Variants in TFR2 observed in about 807,000 individuals in gnomAD.
TFR2 encodes transferrin receptor protein 2.
TFR2 carries 64 observed loss-of-function variants against 91.9 expected under a neutral mutation model. The observed-to-expected ratio is 0.70, with a 90% CI of 0.57 to 0.86. The LOEUF (loss-of-function observed/expected upper bound fraction) is 0.86, where lower values mean the gene tolerates loss of function less well. TFR2 is among the 40% of genes least tolerant of loss of function. The pLI, the probability that TFR2 is intolerant of heterozygous loss-of-function variation, is 0.00. For synonymous variants in TFR2, 454 were observed against 459.6 expected, an observed-to-expected ratio of 0.99 and a Z score of 0.15; for missense variants, 950 against 1,080.5, an observed-to-expected ratio of 0.88 and a Z score of 1.69.
At chr7:100,628,396 C>G in intron 10 of TFR2, 90 bp from the exon 11 acceptor site, 1 of 1,250,550 alleles carries the variant, frequency 8.0e-7, no homozygotes, top group Non-Finnish European at 1.2e-6. Flanking sequence ...CCCAGGGTCT[C>G]TGTTTCTCTG....
At chr7:100,635,638 T>A (rs1311241424) in intron 3 of TFR2, among the ~76,000 whole-genome samples, 1 of 151,704 alleles carries the variant, frequency 6.6e-6, no homozygotes, top group Admixed American at 6.6e-5. Context: ...TAGTAGAGCC[T>A]AAAAAGGGTG....
intron 1 of TFR2, 30 bp downstream of exon 1, chr7:100,641,447 A>G: frequency 6.2e-7 from 1 of 1,613,302 alleles, no homozygotes. Context: ...GAGAAGGCCT[A>G]AGGGGTCTTC....
intron 17 of TFR2, among the ~76,000 whole-genome samples, chr7:100,625,378 G>A (rs555765566): frequency 4.6e-5 from 7 of 152,164 alleles, no homozygotes; most frequent in South Asian, 2.1e-4. Context: ...CATCTTACAC[G>A]CAGGTCCCTT....
chr7:100,631,808 C>T lies in TFR2; in HGVS notation c.1104G>A (p.Leu368=), dbSNP rs766143658. ...PISADIASRL[L]RKLKGPVAPQ... ...CTGGTCCCCAACACTCCCCTCACCTCAGCAGGCGGGAGGCAATGTCTGCAC... is the reference window on the plus strand; with the variant it reads ...CTGGTCCCCAACACTCCCCTCACCTTAGCAGGCGGGAGGCAATGTCTGCAC... The change falls in exon 8 of 18, where the codon CTG becomes CTA. Residue 368 remains leucine, a splice_region_variant and synonymous_variant. Transcript: ENST00000223051. 2 of 1,612,366 alleles carry T rather than the reference C, an allele frequency of 1.2e-6. No individual in the cohort carries two copies. The highest frequency in any genetic ancestry group is 1.7e-5 in the Admixed American group (1 of 59,876).
chr7:100,624,383 G>C (rs936910295), intron 17 of TFR2, among the ~76,000 whole-genome samples: 4 of 152,158 alleles, frequency 2.6e-5, no homozygotes, highest in African/African-American at 7.2e-5. Flanking sequence ...CATCCTGCCT[G>C]TTCTTCAAGA....
At chr7:100,641,316 GTGTCAAATGA>G in intron 1 of TFR2, 88 bp from the exon 2 acceptor site, 1 of 1,357,774 alleles carries the variant, frequency 7.4e-7, no homozygotes, top group Middle Eastern at 2.6e-4. Context: ...TGACTTGGGG[GTGTCAAATGA>G]GCATGGTGGT....
At chr7:100,625,317 C>T (rs1244696655) in intron 17 of TFR2, among the ~76,000 whole-genome samples, 2 of 152,092 alleles carry the variant, frequency 1.3e-5, no homozygotes, top group Non-Finnish European at 2.9e-5. Flanking sequence ...CCTCAGCCTC[C>T]CAAAGTGCTG....
chr7:100,624,012 C>T (rs11767547), intron 17 of TFR2, among the ~76,000 whole-genome samples: 24,825 of 151,552 alleles, frequency 0.16, 2,238 homozygotes, highest in Non-Finnish European at 0.2. Context: ...GCCGGGATCG[C>T]GCCACTGCAC....
chr7:100,629,248 C>T lies in TFR2; in HGVS notation c.1390+5G>A. On this transcript the variant is annotated splice_donor_5th_base_variant and intron_variant, in intron 10 of 17. Coordinates refer to ENST00000223051, the MANE Select transcript of TFR2 (RefSeq NM_003227.4). ...CCCAGGCCCAGGCCCTGGCCCTGAC[C>T]TTACCGTTGCTCACCATGGAGGAAA... The T allele has an allele frequency of 6.2e-7, 1 of 1,613,718 alleles. No homozygotes were observed. The highest frequency in any genetic ancestry group is 8.5e-7 in the Non-Finnish European group (1 of 1,179,714).
At chr7:100,631,129 T>A in intron 8 of TFR2, 77 bp from the exon 9 acceptor site, 1 of 1,408,612 alleles carries the variant, frequency 7.1e-7, no homozygotes, top group Non-Finnish European at 9.3e-7. Context: ...TCCTTATTTC[T>A]TTCCCTCCCA....
intron 11 of TFR2, 24 bp downstream of exon 11, chr7:100,628,200 G>T: frequency 6.5e-7 from 1 of 1,543,730 alleles, no homozygotes; most frequent in Non-Finnish European, 8.9e-7. Context: ...AATGCCTAAC[G>T]ACCTGCCCGG....
At chr7:100,640,614 G>A in intron 3 of TFR2, 72 bp downstream of exon 3, 1 of 1,549,730 alleles carries the variant, frequency 6.5e-7, no homozygotes. Context: ...TGGGCCAGGA[G>A]GCAGGGAGGC....
chr7:100,626,944 C>T (rs778346293), intron 16 of TFR2, 41 bp from the exon 17 acceptor site: 2 of 1,522,538 alleles, frequency 1.3e-6, no homozygotes, highest in Non-Finnish European at 8.8e-7. Flanking sequence ...CGGCAGGGGC[C>T]AGGACCCCCG....
At chr7:100,629,144 A>C in intron 10 of TFR2, 109 bp downstream of exon 10, 10 of 1,433,046 alleles carry the variant, frequency 7.0e-6, no homozygotes, top group Admixed American at 1.7e-5. Context: ...GCCGAGGTCC[A>C]AGTGACCACT....
intron 6 of TFR2, 199 bp downstream of exon 6, chr7:100,632,802 C>A (rs1803485780): frequency 2.8e-6 from 2 of 721,414 alleles, no homozygotes; most frequent in East Asian, 5.6e-5. Flanking sequence ...AATTCCTGGC[C>A]TCAAGCGATC....
intron 11 of TFR2, 36 bp downstream of exon 11, chr7:100,628,188 C>G (rs377542243): frequency 1.1e-5 from 17 of 1,613,814 alleles, no homozygotes; most frequent in Non-Finnish European, 1.4e-5. Context: ...CCACCTCTCC[C>G]CAATGCCTAA....
At position 100,641,488 on chromosome 7, in the gene TFR2, A is replaced by G; in HGVS notation, c.22T>C (p.Phe8Leu). The change falls in exon 1 of 18, where the codon TTC (phenylalanine) becomes CTC (leucine). Residue 8 changes from phenylalanine (F) to leucine (L), a missense_variant. Coordinates refer to ENST00000223051, the MANE Select transcript of TFR2 (RefSeq NM_003227.4). MERLWGLFQRAQQLSPRS... is the reference protein window; with the variant it reads MERLWGLLQRAQQLSPRS... ...CCCACTAGTCTTACCGCTCTCTGGA[A>G]TAGACCCCAAAGCCGCTCCATGCTT... The G allele has an allele frequency of 2.5e-6, 4 of 1,613,904 alleles. No homozygotes were observed. The highest frequency in any genetic ancestry group is 1.7e-5 in the Admixed American group (1 of 59,988).
chr7:100,640,873 C>CT lies in TFR2; in HGVS notation c.287-2dup. Reference sequence around the variant, plus strand: ...AAGGCGACGTAGCCCAGTAGGAAGGCTGGCGGGTGGCAAGATGGGGATTCT... The same window carrying CT: ...AAGGCGACGTAGCCCAGTAGGAAGGCTTGGCGGGTGGCAAGATGGGGATTCT... On this transcript the variant is annotated splice_acceptor_variant, in intron 2 of 17. Coordinates refer to ENST00000223051, the MANE Select transcript of TFR2 (RefSeq NM_003227.4). LOFTEE classifies it high-confidence loss of function. The CT allele has an allele frequency of 1.2e-6, 2 of 1,614,082 alleles. No homozygotes were observed. The highest frequency in any genetic ancestry group is 1.7e-6 in the Non-Finnish European group (2 of 1,180,022).
chr7:100,640,573 A>G, intron 3 of TFR2, 113 bp downstream of exon 3: 1 of 1,235,864 alleles, frequency 8.1e-7, no homozygotes, highest in Non-Finnish European at 1.1e-6. Flanking sequence ...AGATGGGAGG[A>G]CTCAGGAGGG....
Sources: gnomAD v4.1 joint callset for allele counts (sites outside exome capture counted in the v4.1 genomes callset) on GRCh38, gnomAD v4.1.1 for gene constraint, MANE v1.5 for transcripts, NCBI Gene and HGNC (gene_info 2026-07-23, HGNC 2026-07-21) for gene names.